The following MED12L variants were observed in gnomAD, a reference collection of about 807,000 sequenced individuals.
MED12L encodes mediator complex subunit 12L, also known as mediator of RNA polymerase II transcription subunit 12-like protein.
A neutral mutation model predicts 281.3 loss-of-function variants in MED12L; 60 were observed. The ratio of observed to expected loss-of-function variants is 0.21; its 90% CI spans 0.17 to 0.26. The LOEUF (loss-of-function observed/expected upper bound fraction) is 0.26, where lower values mean the gene tolerates loss of function less well. Among genes scored for constraint, MED12L ranks in the 10% least tolerant of loss-of-function variants. The probability of loss-of-function intolerance (pLI) is 1.00; values close to 1 mark genes in which losing one functional copy is unlikely to be tolerated. For synonymous variants in MED12L, 974 were observed against 987.2 expected (o/e 0.99, Z 0.25); for missense variants, 2,146 against 2,680.9 (o/e 0.80, Z 4.41).
chr3:151,370,301 T>C (rs1756016566), intron 26 of MED12L, among the ~76,000 whole-genome samples: 1 of 152,192 alleles, frequency 6.6e-6, no homozygotes, highest in Non-Finnish European at 1.5e-5. Flanking sequence ...CTTTTGGTCT[T>C]GACTCTTATG....
chr3:151,399,051 A>G (rs571269709), intron 39 of MED12L, among the ~76,000 whole-genome samples: 1 of 152,248 alleles, frequency 6.6e-6, no homozygotes, highest in Admixed American at 6.5e-5. Context: ...GACTACTGAA[A>G]AAAAAGAACT....
rs188685358 is a variant in MED12L at position 151,389,800 on chromosome 3, C to A, written c.5452-179C>A. Among the ~76,000 whole-genome samples the A allele has an allele frequency of 4.6e-3, 703 of 152,256 alleles. 4 individuals carry two copies. Among genetic ancestry groups the A allele is most frequent in the African/African-American group, 0.016 (683 of 41,538 alleles). On this transcript the variant is annotated intron_variant, in intron 37 of 44. Coordinates refer to ENST00000687756, the MANE Select transcript of MED12L (RefSeq NM_001393769.1). ...ACTGTTTAAGTCAAGGAAAAGTTTA[C>A]CTCAAATGAATATTTCCAGGGGATT...
At chr3:151,256,254 T>G (rs1285324043) in intron 16 of MED12L, among the ~76,000 whole-genome samples, 1 of 152,202 alleles carries the variant, frequency 6.6e-6, no homozygotes, top group Non-Finnish European at 1.5e-5. Context: ...AAATAAGATC[T>G]CATATGCAGT....
At position 151,237,279 on chromosome 3, in the gene MED12L, C is replaced by T. The variant is rs548969357; in HGVS notation, c.2250+43613C>T. Among the ~76,000 whole-genome samples, 23 of 149,566 alleles carry T rather than the reference C, an allele frequency of 1.5e-4. 1 individual carries two copies. The East Asian group carries it at 4.5e-3, about 29-fold the overall frequency. ...GGTCTTGAACACCTGACCTTGTGAT[C>T]CACCTGCCTCAGCCTCCCAAAGTGC... On this transcript the variant is annotated intron_variant, in intron 16 of 44. Coordinates refer to ENST00000687756, the MANE Select transcript of MED12L (RefSeq NM_001393769.1).
rs547357614 is a variant in MED12L at position 151,161,085 on chromosome 3, A to G, written c.1107+984A>G. ...GGCCTTATGATTGAGGTGTCATCAG[A>G]GGGTTTTATGCAGCAAAGTGACACA... On this transcript the variant is annotated intron_variant, in intron 8 of 44. Coordinates refer to ENST00000687756, the MANE Select transcript of MED12L (RefSeq NM_001393769.1). Among the ~76,000 whole-genome samples the G allele has an allele frequency of 5.0e-4, 76 of 152,270 alleles. 1 individual carries two copies. The highest frequency in any genetic ancestry group is 1.7e-3 in the African/African-American group (72 of 41,554).
At chr3:151,401,123 G>A (rs1166594093) in intron 39 of MED12L, among the ~76,000 whole-genome samples, 1 of 152,088 alleles carries the variant, frequency 6.6e-6, no homozygotes, top group Non-Finnish European at 1.5e-5. Flanking sequence ...CACACGTGTT[G>A]TATTATTTTG....
chr3:151,093,070 C>A (rs912792698), intron 2 of MED12L, among the ~76,000 whole-genome samples: 15 of 152,094 alleles, frequency 9.9e-5, no homozygotes, highest in African/African-American at 3.1e-4. Flanking sequence ...CTTTGGGAGA[C>A]CAAGGCTGGA....
rs1719941797 is a variant in MED12L, at chr3:151,434,987, CATTAT to C, written c.*2185_*2189del. On this transcript the variant is annotated 3_prime_UTR_variant, in exon 45 of 45. Transcript: ENST00000687756. ...TGAGGAATGCTGTTTTACCCCTGCG[CATTAT>C]AAAGAAAATAACTAGAATTACTTTA... The C allele has an allele frequency of 1.4e-5, 2 of 147,956 alleles. No individual in the cohort carries two copies. The highest frequency in any genetic ancestry group is 6.9e-5 in the Admixed American group (1 of 14,520). 9.2% of individuals were successfully genotyped at this position (147,956 alleles called of 1,614,324 possible). A position where few individuals can be genotyped will look rare whatever the true frequency, so the allele number is the denominator to read the frequency against.
chr3:151,401,664 C>T (rs900682758), intron 39 of MED12L, among the ~76,000 whole-genome samples: 3 of 152,048 alleles, frequency 2.0e-5, no homozygotes, highest in Non-Finnish European at 4.4e-5. Context: ...TAAAGGTAGG[C>T]AAAATAGTCT....
intron 16 of MED12L, among the ~76,000 whole-genome samples, chr3:151,275,189 G>A (rs1024835093): frequency 3.9e-5 from 6 of 152,104 alleles, no homozygotes; most frequent in Non-Finnish European, 7.4e-5. Flanking sequence ...GTATGATCCT[G>A]GAGAGTATCG....
chr3:151,306,810 T>C (rs558319804), intron 16 of MED12L, among the ~76,000 whole-genome samples: 5 of 152,356 alleles, frequency 3.3e-5, no homozygotes, highest in African/African-American at 1.2e-4. Context: ...GCCAGTTAAA[T>C]GCTGGCTCCC....
chr3:151,204,866 A>G (rs1194178830), intron 16 of MED12L, among the ~76,000 whole-genome samples: 1 of 152,198 alleles, frequency 6.6e-6, no homozygotes, highest in Non-Finnish European at 1.5e-5. Context: ...AAGGTTGTAG[A>G]CACAATTGAA....
intron 21 of MED12L, among the ~76,000 whole-genome samples, chr3:151,361,315 C>A (rs919688123): frequency 2.6e-5 from 4 of 151,882 alleles, no homozygotes; most frequent in African/African-American, 9.7e-5. Context: ...TGACCAGTAC[C>A]CTCACTGAAT....
At chr3:151,322,676 A>C (rs966686738) in intron 16 of MED12L, among the ~76,000 whole-genome samples, 1 of 152,078 alleles carries the variant, frequency 6.6e-6, no homozygotes, top group Non-Finnish European at 1.5e-5. Flanking sequence ...TCTGTTGGCT[A>C]TCTCTTCCTC....
intron 16 of MED12L, among the ~76,000 whole-genome samples, chr3:151,209,803 G>A (rs966018210): frequency 6.6e-6 from 1 of 152,158 alleles, no homozygotes; most frequent in Non-Finnish European, 1.5e-5. Flanking sequence ...CAGAAGTACA[G>A]CTTTGTGTGA....
At chr3:151,345,859 G>A (rs922455175) in intron 16 of MED12L, among the ~76,000 whole-genome samples, 1 of 152,082 alleles carries the variant, frequency 6.6e-6, no homozygotes, top group African/African-American at 2.4e-5. Context: ...AACAAATCTT[G>A]TAGGCTCTTG....
At chr3:151,319,220 A>G (rs1245857075) in intron 16 of MED12L, among the ~76,000 whole-genome samples, 1 of 152,212 alleles carries the variant, frequency 6.6e-6, no homozygotes, top group East Asian at 1.9e-4. Context: ...AGCAGCTAAC[A>G]GCCAGCCCAT....
chr3:151,170,370 A>C (rs1257506782), intron 11 of MED12L, among the ~76,000 whole-genome samples: 1 of 146,112 alleles, frequency 6.8e-6, no homozygotes, highest in African/African-American at 2.6e-5. Flanking sequence ...CTGCCTCCTG[A>C]GTTCAAGCCA....
chr3:151,111,980 TC>T (rs971645556), intron 2 of MED12L, among the ~76,000 whole-genome samples: 2 of 152,184 alleles, frequency 1.3e-5, no homozygotes, highest in African/African-American at 4.8e-5. Flanking sequence ...ACTGTTTTTT[TC>T]CCATCTCAGA....
Sources: allele counts gnomAD v4.1 joint callset (sites outside exome capture counted in the v4.1 genomes callset), GRCh38; gene constraint gnomAD v4.1.1; transcripts MANE v1.5; gene names NCBI Gene and HGNC (gene_info 2026-07-23, HGNC 2026-07-21).